The following TMEM68 variants were observed in gnomAD, a reference collection of about 807,000 sequenced individuals.
TMEM68 encodes the protein DGAT1/2-independent enzyme synthesizing storage lipids.
A neutral mutation model predicts 36.9 loss-of-function variants in TMEM68; 25 were observed. The ratio of observed to expected loss-of-function variants is 0.68; its 90% CI spans 0.49 to 0.95. The LOEUF (loss-of-function observed/expected upper bound fraction) is 0.95, where lower values mean the gene tolerates loss of function less well. Among genes scored for constraint, TMEM68 ranks in the 40% least tolerant of loss-of-function variants. The pLI, the probability that TMEM68 is intolerant of heterozygous loss-of-function variation, is 0.00. For missense variants in TMEM68, 333 were observed against 392.0 expected (o/e 0.85, Z 1.27); for synonymous variants, 131 against 124.4 (o/e 1.05, Z -0.35).
chr8:55,763,807 A>G (rs1470526347), intron 2 of TMEM68, 129 bp downstream of exon 2: 1 of 5,500 alleles, frequency 1.8e-4, no homozygotes, highest in Non-Finnish European at 6.5e-4. Flanking sequence ...ATAGAGAAAC[A>G]GATTTACAAA....
At chr8:55,745,247 T>C (rs1433541733) in intron 5 of TMEM68, 126 bp from the exon 6 acceptor site, 4 of 473,006 alleles carry the variant, frequency 8.5e-6, no homozygotes, top group South Asian at 3.6e-5. Flanking sequence ...CATGCCACCC[T>C]GAACATGCCC....
intron 4 of TMEM68, among the ~76,000 whole-genome samples, chr8:55,754,470 C>CT (rs1810514229): frequency 1.0e-5 from 1 of 96,314 alleles, no homozygotes; most frequent in African/African-American, 4.3e-5. Flanking sequence ...TATATATACA[C>CT]ACACACACAC....
chr8:55,764,641 T>C (rs1810907490), intron 1 of TMEM68, among the ~76,000 whole-genome samples: 1 of 152,250 alleles, frequency 6.6e-6, no homozygotes, highest in Non-Finnish European at 1.5e-5. Flanking sequence ...ATGAAACATT[T>C]CATCTAACTT....
intron 5 of TMEM68, 172 bp from the exon 6 acceptor site, chr8:55,745,293 GT>G (rs1810237838): frequency 2.6e-6 from 1 of 379,960 alleles, no homozygotes; most frequent in South Asian, 6.9e-5. Flanking sequence ...GCAGGGTCGG[GT>G]CTCGTTAGTA....
At chr8:55,746,541 T>C (rs1057267124) in intron 5 of TMEM68, 1 of 152,076 alleles carries the variant, frequency 6.6e-6, no homozygotes, top group African/African-American at 2.4e-5. Flanking sequence ...CTTAAAAATA[T>C]ACATAATATA....
At position 55,763,050 on chromosome 8, in the gene TMEM68, G is replaced by C. The variant is rs977837257; in HGVS notation, c.-69-22C>G. On this transcript the variant is annotated intron_variant, in intron 2 of 7. Coordinates refer to ENST00000434581, the MANE Select transcript of TMEM68 (RefSeq NM_001286657.2). ...GACACTAGAAGGGAAAAATAATCCA[G>C]TATTATTTTCTCCACAGCTATAAAG... 4.4e-6 allele frequency: 6 copies of C among 1,364,300 alleles called. No homozygotes were observed. In the South Asian group the frequency reaches 9.2e-5, roughly 21 times the overall value. The allele number at this position is 1,364,300 out of a possible 1,614,324, so 84.5% of individuals were successfully genotyped here.
chr8:55,752,392 G>A (rs1810447330), intron 4 of TMEM68, among the ~76,000 whole-genome samples: 1 of 151,922 alleles, frequency 6.6e-6, no homozygotes, highest in Admixed American at 6.6e-5. Context: ...TTTGAGACCA[G>A]CCTGGCCAAC....
intron 3 of TMEM68, among the ~76,000 whole-genome samples, chr8:55,758,549 G>C (rs1049088541): frequency 6.6e-6 from 1 of 152,250 alleles, no homozygotes; most frequent in Admixed American, 6.5e-5. Context: ...GCTCACGCCT[G>C]TAATCCCAAC....
chr8:55,752,309 C>T (rs190680533), intron 4 of TMEM68, among the ~76,000 whole-genome samples: 24 of 152,056 alleles, frequency 1.6e-4, no homozygotes, highest in Admixed American at 3.3e-4. Context: ...ATTGTCAGAC[C>T]GGGTGTGGTG....
chr8:55,759,127 C>CA (rs752433773), intron 3 of TMEM68, among the ~76,000 whole-genome samples: 5 of 151,526 alleles, frequency 3.3e-5, no homozygotes, highest in East Asian at 1.9e-4. Context: ...TCAATAAAAG[C>CA]AAAAAAAGTA....
Position 55,742,500 on chromosome 8 carries a change from T to C in TMEM68, c.888+981A>G, listed in dbSNP as rs111238648. The stretch of plus-strand genomic sequence containing the variant: ...TAAAATATAAATCAGACTATATATA[T>C]ACCAAAGACTATATAAAAGTCATAA... On this transcript the variant is annotated intron_variant, in intron 7 of 7. Transcript: ENST00000434581. Among the ~76,000 whole-genome samples, 875 of 152,304 alleles carry C rather than the reference T, an allele frequency of 5.7e-3. 5 individuals carry two copies. Among genetic ancestry groups the C allele is most frequent in the African/African-American group, 0.02 (819 of 41,568 alleles).
rs548631547 is a variant in TMEM68 at position 55,739,125 on chromosome 8, A to G, written c.*1007T>C. The G allele has an allele frequency of 3.9e-5, 6 of 152,770 alleles. No homozygotes were observed. The South Asian group carries it at 1.0e-3, about 26-fold the overall frequency. 9.5% of individuals were successfully genotyped at this position (152,770 alleles called of 1,614,324 possible). Reference sequence around the variant, plus strand: ...AACCCCATCTCTAAATAAAAACAAAACAAAACATAAATAAATTCATCATTC... The same window carrying G: ...AACCCCATCTCTAAATAAAAACAAAGCAAAACATAAATAAATTCATCATTC... On this transcript the variant is annotated 3_prime_UTR_variant, in exon 8 of 8. Transcript: ENST00000434581.
intron 1 of TMEM68, among the ~76,000 whole-genome samples, chr8:55,772,438 G>C (rs1260008033): frequency 6.6e-6 from 1 of 152,170 alleles, no homozygotes; most frequent in African/African-American, 2.4e-5. Flanking sequence ...CTTTTTAACA[G>C]ATCCAGCAAC....
At chr8:55,750,877 A>C (rs1810411225) in intron 5 of TMEM68, 87 bp downstream of exon 5, 6 of 1,351,974 alleles carry the variant, frequency 4.4e-6, no homozygotes, top group Non-Finnish European at 6.1e-6. Context: ...AAAGTGTCTA[A>C]GTTCTTATAC....
chr8:55,755,523 C>T (rs1810576983), intron 4 of TMEM68, among the ~76,000 whole-genome samples: 1 of 151,814 alleles, frequency 6.6e-6, no homozygotes. Flanking sequence ...TTGCCCACCT[C>T]GTCCTCCCAA....
chr8:55,770,180 A>C (rs1811108386), intron 1 of TMEM68, among the ~76,000 whole-genome samples: 1 of 152,214 alleles, frequency 6.6e-6, no homozygotes, highest in Non-Finnish European at 1.5e-5. Flanking sequence ...AAAGCCAAGA[A>C]CTAAAATTAA....
intron 7 of TMEM68, 21 bp from the exon 8 acceptor site, chr8:55,740,239 A>G (rs1452095241): frequency 6.3e-7 from 1 of 1,585,540 alleles, no homozygotes; most frequent in South Asian, 1.1e-5. Flanking sequence ...AACAAAAGAA[A>G]AGCTATTGTT....
At chr8:55,754,679 A>AATATATATTATATATAAAATACATACTT (rs1554553133) in intron 4 of TMEM68, among the ~76,000 whole-genome samples, 58 of 101,066 alleles carry the variant, frequency 5.7e-4, no homozygotes, top group South Asian at 2.0e-3. Flanking sequence ...TATATTATGT[A>AATATATATTATATATAAAATACATACTT]ATATATATTA....
At chr8:55,760,914 A>T (rs1276922097) in intron 3 of TMEM68, 1 of 152,242 alleles carries the variant, frequency 6.6e-6, no homozygotes, top group Non-Finnish European at 1.5e-5. Context: ...TTTGAGGATC[A>T]ACTGTCCCAT....
Sources: gnomAD v4.1 joint callset for allele counts (sites outside exome capture counted in the v4.1 genomes callset) on GRCh38, gnomAD v4.1.1 for gene constraint, MANE v1.5 for transcripts, NCBI Gene and HGNC (gene_info 2026-07-23, HGNC 2026-07-21) for gene names.